The following ELAVL3 variants were observed in gnomAD, a reference collection of about 807,000 sequenced individuals.
ELAVL3 encodes the protein ELAV like RNA binding protein 3.
A neutral mutation model predicts 34.2 loss-of-function variants in ELAVL3; 8 were observed. That is an observed-to-expected ratio of 0.23 (90% CI 0.14 to 0.42). ELAVL3 has a LOEUF of 0.42. Among genes scored for constraint, ELAVL3 ranks in the 10% least tolerant of loss-of-function variants. The probability of loss-of-function intolerance (pLI) is 1.00; values close to 1 mark genes in which losing one functional copy is unlikely to be tolerated. For synonymous variants in ELAVL3, 209 were observed against 222.1 expected (o/e 0.94, Z 0.53); for missense variants, 273 against 518.8 (o/e 0.53, Z 4.60).
intron 3 of ELAVL3, among the ~76,000 whole-genome samples, chr19:11,460,115 C>G (rs769150685): frequency 1.3e-5 from 2 of 152,158 alleles, no homozygotes; most frequent in Non-Finnish European, 2.9e-5. Context: ...TGCCCCAACT[C>G]ACTAATGGCA....
intron 6 of ELAVL3, among the ~76,000 whole-genome samples, chr19:11,456,502 T>A (rs550372294): frequency 6.6e-6 from 1 of 151,436 alleles, no homozygotes; most frequent in East Asian, 1.9e-4. Flanking sequence ...ATTTTTTAAT[T>A]ATTTTTTTTT....
chr19:11,479,699 G>A (rs888536350), intron 1 of ELAVL3, among the ~76,000 whole-genome samples: 1 of 151,602 alleles, frequency 6.6e-6, no homozygotes, highest in Non-Finnish European at 1.5e-5. Context: ...GCAGGGCGTG[G>A]CAGGGCGGGA....
intron 3 of ELAVL3, among the ~76,000 whole-genome samples, chr19:11,465,045 A>AAACAC (rs1971006769): frequency 9.2e-6 from 1 of 108,658 alleles, no homozygotes. Flanking sequence ...CACACCACAC[A>AAACAC]CATACACACA....
chr19:11,459,545 G>C (rs1970840933), intron 3 of ELAVL3, among the ~76,000 whole-genome samples: 1 of 151,714 alleles, frequency 6.6e-6, no homozygotes, highest in Non-Finnish European at 1.5e-5. Flanking sequence ...GGGATTACAG[G>C]TGTGAGCCAC....
At chr19:11,474,422 C>T (rs1971225655) in intron 1 of ELAVL3, among the ~76,000 whole-genome samples, 1 of 152,110 alleles carries the variant, frequency 6.6e-6, no homozygotes, top group South Asian at 2.1e-4. Flanking sequence ...TGGTGAAACC[C>T]TGTCTCTACT....
At chr19:11,465,039 CCA>C (rs1297681334) in intron 3 of ELAVL3, among the ~76,000 whole-genome samples, 15 of 130,448 alleles carry the variant, frequency 1.1e-4, no homozygotes, top group Non-Finnish European at 1.3e-4. Flanking sequence ...CACACACACA[CCA>C]CACACATACA....
At chr19:11,478,486 C>T (rs1314812090) in intron 1 of ELAVL3, among the ~76,000 whole-genome samples, 1 of 152,056 alleles carries the variant, frequency 6.6e-6, no homozygotes, top group East Asian at 1.9e-4. Flanking sequence ...GGGACTTCGG[C>T]GACTGGCCCC....
chr19:11,472,602 G>C (rs75265355), intron 1 of ELAVL3, among the ~76,000 whole-genome samples: 5,384 of 151,682 alleles, frequency 0.035, 325 homozygotes, highest in African/African-American at 0.12. Context: ...TCAGGATGGT[G>C]AGACAGGAGG....
intron 1 of ELAVL3, among the ~76,000 whole-genome samples, chr19:11,477,717 G>A (rs1226416778): frequency 6.8e-6 from 1 of 147,218 alleles, no homozygotes; most frequent in Non-Finnish European, 1.5e-5. Flanking sequence ...TTTTGAGATG[G>A]AGTCTTGCTC....
chr19:11,477,691 AT>A (rs963586249), intron 1 of ELAVL3, among the ~76,000 whole-genome samples: 12,355 of 120,098 alleles, frequency 0.1, 613 homozygotes, highest in African/African-American at 0.19. Flanking sequence ...CTAGATCCCT[AT>A]TTTTTTTTTT....
chr19:11,462,173 T>TTAA (rs1970900696), intron 3 of ELAVL3, among the ~76,000 whole-genome samples: 1 of 60,010 alleles, frequency 1.7e-5, no homozygotes. Context: ...AGACTCCGTC[T>TTAA]CAAAAAAAAA....
rs1027640298 is a variant in ELAVL3, at chr19:11,458,344, C to T, written c.488-58G>A. ...CCCTGTCCCCTCCTGTGTAACCCCA[C>T]TTCTCCCTTCCCTGCTTCATGCCCT... is the stretch of plus-strand genomic sequence containing the variant. On this transcript the variant is annotated intron_variant, in intron 4 of 6. Transcript: ENST00000359227. The surrounding 1 kb of genome is among the most constrained non-coding windows in gnomAD (Gnocchi z 7.3). 1.9e-5 allele frequency: 30 copies of T among 1,606,694 alleles called. No individual in the cohort carries two copies. Among genetic ancestry groups the T allele is most frequent in the Non-Finnish European group, 2.5e-5 (29 of 1,175,790 alleles).
chr19:11,457,096 G>A lies in ELAVL3; in HGVS notation c.752+14C>T, dbSNP rs201622388. 240 of 1,510,366 alleles carry A rather than the reference G, an allele frequency of 1.6e-4. No homozygotes were observed. The East Asian group carries it at 5.9e-3, about 37-fold the overall frequency. The allele number at this position is 1,510,366 out of a possible 1,614,324, so 93.6% of individuals were successfully genotyped here. On this transcript the variant is annotated intron_variant, in intron 6 of 6. Coordinates refer to ENST00000359227, the MANE Select transcript of ELAVL3 (RefSeq NM_001420.4). ...TGGTGAGGGGTGGGGACAGTGGGGC[G>A]GGGTCACTGTTACCTCTTGACGCCG...
intron 3 of ELAVL3, among the ~76,000 whole-genome samples, chr19:11,464,037 C>A (rs1179597519): frequency 6.6e-6 from 1 of 150,912 alleles, no homozygotes; most frequent in African/African-American, 2.4e-5. Flanking sequence ...TAGGGATATA[C>A]CCGAAGTCTT....
chr19:11,480,515 C>T lies in ELAVL3; in HGVS notation c.9+85G>A, dbSNP rs893734914. The T allele has an allele frequency of 9.2e-5, 130 of 1,414,078 alleles. No homozygotes were observed. The highest frequency in any genetic ancestry group is 1.1e-4 in the Non-Finnish European group (117 of 1,080,784). The allele number at this position is 1,414,078 out of a possible 1,614,324, so 87.6% of individuals were successfully genotyped here. A position where few individuals can be genotyped will look rare whatever the true frequency, so the allele number is the denominator to read the frequency against. Reference sequence around the variant, plus strand: ...CCTAGCTAGGCCTGGTCCTACCCCCCCCGCCGCACCCGCCCAATCTCCGCG... The same window carrying T: ...CCTAGCTAGGCCTGGTCCTACCCCCTCCGCCGCACCCGCCCAATCTCCGCG... On this transcript the variant is annotated intron_variant, in intron 1 of 6. Transcript: ENST00000359227. This position sits in a 1 kb window ranked among gnomAD's most constrained non-coding sequence, Gnocchi z 6.8.
rs146592463 is a variant in ELAVL3 at position 11,454,805 on chromosome 19, C to T, written c.825G>A (p.Leu275=). 4.5e-5 allele frequency: 73 copies of T among 1,611,974 alleles called. No individual in the cohort carries two copies. In the African/African-American group the frequency reaches 8.1e-4, roughly 18 times the overall value. The change falls in exon 7 of 7, where the codon CTG becomes CTA. Residue 275 remains leucine, a synonymous_variant. Coordinates refer to ENST00000359227, the MANE Select transcript of ELAVL3 (RefSeq NM_001420.4). The surrounding 1 kb of genome is among the most constrained non-coding windows in gnomAD (Gnocchi z 9.2). Reference sequence around the variant, plus strand: ...AGCCGGCGCCCGCCGCGCCCCCCGACAGGCCCACGCCCGCCAGGCCGCTCA... The same window carrying T: ...AGCCGGCGCCCGCCGCGCCCCCCGATAGGCCCACGCCCGCCAGGCCGCTCA... The part of the protein sequence containing the change: ...DGMSGLAGVG[L]SGGAAGAGWC...
chr19:11,464,730 C>CACAT, intron 3 of ELAVL3, among the ~76,000 whole-genome samples: 1 of 133,978 alleles, frequency 7.5e-6, no homozygotes, highest in South Asian at 2.5e-4. Context: ...ACACATCACA[C>CACAT]ACACACCACA....
chr19:11,471,704 T>G (rs1971168136), intron 1 of ELAVL3, among the ~76,000 whole-genome samples: 1 of 151,752 alleles, frequency 6.6e-6, no homozygotes, highest in Admixed American at 6.6e-5. Context: ...TCCTCATGCC[T>G]CAGCCTCCCA....
Position 11,458,474 on chromosome 19 carries a change from C to G in ELAVL3, c.471G>C (p.Leu157=). 1.9e-6 allele frequency: 3 copies of G among 1,614,122 alleles called. No individual in the cohort carries two copies. Among genetic ancestry groups the G allele is most frequent in the South Asian group, 2.2e-5 (2 of 91,074 alleles). ...CTGCCTGACCTGTGACCTGGTCCAC[C>G]AGGATGCGGGACGTGATGATGCGGC... ...QYGRIITSRI[L]VDQVTGVSRG... is the part of the protein sequence containing the mutation. The change falls in exon 4 of 7, where the codon CTG becomes CTC. Residue 157 remains leucine (L), a synonymous_variant. Transcript: ENST00000359227. The surrounding 1 kb of genome is among the most constrained non-coding windows in gnomAD (Gnocchi z 7.3).
Sources: gnomAD v4.1 joint callset for allele counts (sites outside exome capture counted in the v4.1 genomes callset) on GRCh38, gnomAD v4.1.1 for gene constraint, Gnocchi (gnomAD v3.1) non-coding constraint, MANE v1.5 for transcripts, NCBI Gene and HGNC (gene_info 2026-07-23, HGNC 2026-07-21) for gene names.